Variants in STARD3 observed in about 807,000 individuals in gnomAD.
STARD3 encodes stAR-related lipid transfer protein 3.
Under a neutral mutation model 62.0 loss-of-function variants are expected in STARD3, and 39 were observed. That is an observed-to-expected ratio of 0.63 (90% CI 0.49 to 0.82). STARD3 has a LOEUF of 0.82. STARD3 is among the 40% of genes least tolerant of loss of function. The pLI, the probability that STARD3 is intolerant of heterozygous loss-of-function variation, is 0.00. For missense variants in STARD3, 543 were observed against 584.5 expected (o/e 0.93, Z 0.73); for synonymous variants, 229 against 242.4 (o/e 0.94, Z 0.51).
rs2145038616 is a variant in STARD3, at chr17:39,660,327, G to A, written c.858+54G>A. On this transcript the variant is annotated intron_variant, in intron 10 of 14. Coordinates refer to ENST00000336308, the MANE Select transcript of STARD3 (RefSeq NM_006804.4). The surrounding 1 kb of genome is among the most constrained non-coding windows in gnomAD (Gnocchi z 4.8). ...CCCCAGACAGCACAGGAGGCTCCAG[G>A]AAGGTGCCGAGGGGCCCTCTGGTGG... 1 of 1,613,018 alleles carries A rather than the reference G, an allele frequency of 6.2e-7. No individual in the cohort carries two copies. The highest frequency in any genetic ancestry group is 2.2e-5 in the East Asian group (1 of 44,876).
chr17:39,637,226 G>GAGC lies in STARD3; in HGVS notation c.-54_-52dup, dbSNP rs2056937323. On this transcript the variant is annotated 5_prime_UTR_variant, in exon 1 of 15. Transcript: ENST00000336308. ...AAGAGCCGGGGCCGTGGCTGACATG[G>GAGC]AGCAGGTGGGTCCCGGAGCGGTCGC... 1 of 152,384 alleles carries GAGC rather than the reference G, an allele frequency of 6.6e-6. No individual in the cohort carries two copies. The highest frequency in any genetic ancestry group is 1.5e-5 in the Non-Finnish European group (1 of 68,138). 9.4% of individuals were successfully genotyped at this position (152,384 alleles called of 1,614,324 possible).
chr17:39,662,839 C>G lies in STARD3; in HGVS notation c.1269C>G (p.Leu423=), dbSNP rs78029334. The change falls in exon 15 of 15, where the codon CTC becomes CTG. Residue 423 remains leucine (L), a synonymous_variant. Transcript: ENST00000336308. ...RLPRYLIHQS[L]AATMFEFAFH... ...CCCGGTACCTCATCCACCAGAGCCTCGCGGCCACCATGTTTGAATTTGCCT... is the reference window on the plus strand; with the variant it reads ...CCCGGTACCTCATCCACCAGAGCCTGGCGGCCACCATGTTTGAATTTGCCT... 5.1e-4 allele frequency: 819 copies of G among 1,612,242 alleles called. 7 individuals carry two copies. In the East Asian group the frequency reaches 0.016, roughly 32 times the overall value.
At chr17:39,653,310 C>CTGCA in intron 1 of STARD3, 171 bp from the exon 2 acceptor site, 2 of 602,672 alleles carry the variant, frequency 3.3e-6, no homozygotes, top group East Asian at 2.8e-5. Context: ...ATGCTCAACC[C>CTGCA]TGCAGCCTGG....
intron 2 of STARD3, 35 bp from the exon 3 acceptor site, chr17:39,656,973 C>T: frequency 6.2e-7 from 1 of 1,611,378 alleles, no homozygotes. Context: ...GCCCTTGCTT[C>T]TACCTGCAGA....
chr17:39,643,926 C>T (rs1035893519), intron 1 of STARD3, among the ~76,000 whole-genome samples: 12 of 152,204 alleles, frequency 7.9e-5, no homozygotes, highest in East Asian at 5.8e-4. Context: ...ATTTTATAGG[C>T]GAGGAAACTG....
At chr17:39,640,757 G>A (rs1274878011) in intron 1 of STARD3, among the ~76,000 whole-genome samples, 1 of 152,208 alleles carries the variant, frequency 6.6e-6, no homozygotes. Flanking sequence ...GGAAGGGAGG[G>A]CAAGTAGATC....
At chr17:39,647,335 G>A (rs1054947302) in intron 1 of STARD3, among the ~76,000 whole-genome samples, 3 of 152,104 alleles carry the variant, frequency 2.0e-5, no homozygotes, top group South Asian at 2.1e-4. Context: ...CACACCACAC[G>A]TGCTGTTCCC....
intron 1 of STARD3, among the ~76,000 whole-genome samples, chr17:39,638,031 T>G (rs2056949234): frequency 6.6e-6 from 1 of 152,202 alleles, no homozygotes; most frequent in South Asian, 2.1e-4. Flanking sequence ...GGGTCCAAAC[T>G]TGAACTGGTC....
At chr17:39,643,175 G>C (rs2056995928) in intron 1 of STARD3, among the ~76,000 whole-genome samples, 1 of 152,158 alleles carries the variant, frequency 6.6e-6, no homozygotes. Context: ...ATACTGGCCA[G>C]ATTTTGCAGG....
rs573094178 is a variant in STARD3, at chr17:39,637,722, A to C, written c.-52+491A>C. ...TCTTGAGTTCTTAGAGGTGCATAGT[A>C]CCATTGACACTCATTTCTAATGACA... On this transcript the variant is annotated intron_variant, in intron 1 of 14. Transcript: ENST00000336308. Among the ~76,000 whole-genome samples, 7 of 152,072 alleles carry C rather than the reference A, an allele frequency of 4.6e-5. 1 individual carries two copies. The highest frequency in any genetic ancestry group is 1.7e-4 in the African/African-American group (7 of 41,382).
Position 39,663,188 on chromosome 17 carries a change from G to C in STARD3, c.*280G>C, listed in dbSNP as rs1003546164. The C allele has an allele frequency of 1.4e-5, 6 of 439,030 alleles. No homozygotes were observed. The highest frequency in any genetic ancestry group is 2.4e-5 in the Non-Finnish European group (6 of 250,060). The allele number at this position is 439,030 out of a possible 1,614,324, so 27.2% of individuals were successfully genotyped here. On this transcript the variant is annotated 3_prime_UTR_variant, in exon 15 of 15. Coordinates refer to ENST00000336308, the MANE Select transcript of STARD3 (RefSeq NM_006804.4). ...CAGATTGCTCTGCCCCACCTTGCCAGGGCAGGGTCTGGGCTGGGCACCTGA... is the reference window on the plus strand; with the variant it reads ...CAGATTGCTCTGCCCCACCTTGCCACGGCAGGGTCTGGGCTGGGCACCTGA...
At chr17:39,658,549 A>G (rs1006232621) in intron 6 of STARD3, 27 bp downstream of exon 6, 3 of 1,605,478 alleles carry the variant, frequency 1.9e-6, no homozygotes, top group Non-Finnish European at 2.6e-6. Context: ...AGGGGGGTGC[A>G]GCGAGGGTTA....
chr17:39,640,605 C>T (rs1433605198), intron 1 of STARD3, among the ~76,000 whole-genome samples: 4 of 151,754 alleles, frequency 2.6e-5, no homozygotes, highest in Non-Finnish European at 5.9e-5. Flanking sequence ...CCAGACTAAC[C>T]TTGGGAACTT....
At position 39,657,844 on chromosome 17, in the gene STARD3, G is replaced by T; in HGVS notation, c.367G>T (p.Val123Leu). 3.1e-6 allele frequency: 5 copies of T among 1,614,230 alleles called. No homozygotes were observed. The highest frequency in any genetic ancestry group is 4.2e-6 in the Non-Finnish European group (5 of 1,180,038). ...CGTGCTGCGGCTCCGGCACTGGTGGGTGATTGCGGTAAGATGCCACTTTCC... is the reference window on the plus strand; with the variant it reads ...CGTGCTGCGGCTCCGGCACTGGTGGTTGATTGCGGTAAGATGCCACTTTCC... ...YAVLRLRHWW[V>L]IAVTTLVSSA... Residue 123 changes from valine (V) to leucine (L), a missense_variant, in exon 4 of 15, where the codon GTG becomes TTG. Coordinates refer to ENST00000336308, the MANE Select transcript of STARD3 (RefSeq NM_006804.4).
rs2057226230 is a variant in STARD3 at position 39,663,600 on chromosome 17, CG to C, written c.*696del. 3 of 152,176 alleles carry C rather than the reference CG, an allele frequency of 2.0e-5. No individual in the cohort carries two copies. Among genetic ancestry groups the C allele is most frequent in the African/African-American group, 7.2e-5 (3 of 41,380 alleles). 9.4% of individuals were successfully genotyped at this position (152,176 alleles called of 1,614,324 possible). On this transcript the variant is annotated 3_prime_UTR_variant, in exon 15 of 15. Transcript: ENST00000336308. The stretch of plus-strand genomic sequence containing the variant: ...CCTGGGCTCACAGGAGGGCGGAGCC[CG>C]GGGAGCCAGTTCCTGAAACATGCCC...
chr17:39,662,309 T>C lies in STARD3; in HGVS notation c.1198T>C (p.Cys400Arg). The change falls in exon 14 of 15, where the codon TGC (cysteine) becomes CGC (arginine). Residue 400 changes from cysteine to arginine, a missense_variant. By Grantham distance (180) the Cys-to-Arg change is radical. Transcript: ENST00000336308. ...CAAGTCGGCCAGTAACCCCCGTGTT[T>C]GCACCTTTGTCTGGATTCTTAATAC... is the stretch of plus-strand genomic sequence containing the variant. ...VLKSASNPRV[C>R]TFVWILNTDL... 1.2e-6 allele frequency: 2 copies of C among 1,614,048 alleles called. No individual in the cohort carries two copies. Among genetic ancestry groups the C allele is most frequent in the South Asian group, 2.2e-5 (2 of 91,062 alleles).
intron 1 of STARD3, among the ~76,000 whole-genome samples, chr17:39,651,409 A>G (rs1051823062): frequency 6.6e-6 from 1 of 152,166 alleles, no homozygotes; most frequent in Non-Finnish European, 1.5e-5. Flanking sequence ...GCCTCCCAAG[A>G]TCAGGGACAA....
chr17:39,652,442 G>A (rs1043497530), intron 1 of STARD3: 1 of 152,224 alleles, frequency 6.6e-6, no homozygotes, highest in Non-Finnish European at 1.5e-5. Flanking sequence ...AATAAAGATC[G>A]TTTCAGATAG....
chr17:39,657,398 G>T (rs1247072837), intron 3 of STARD3, among the ~76,000 whole-genome samples: 1 of 151,964 alleles, frequency 6.6e-6, no homozygotes, highest in Admixed American at 6.6e-5. Flanking sequence ...ATGGTGGTTC[G>T]CACCCATAAT....
Sources: gnomAD v4.1 joint callset for allele counts (sites outside exome capture counted in the v4.1 genomes callset) on GRCh38, gnomAD v4.1.1 for gene constraint, Gnocchi (gnomAD v3.1) non-coding constraint, MANE v1.5 for transcripts, NCBI Gene and HGNC (gene_info 2026-07-23, HGNC 2026-07-21) for gene names.